The following PTN variants were observed in gnomAD, a reference collection of about 807,000 sequenced individuals.
The protein encoded by PTN is pleiotrophin.
In PTN, 18 loss-of-function variants were observed where a neutral mutation model predicts 24.1. The ratio of observed to expected loss-of-function variants is 0.75; its 90% CI spans 0.52 to 1.11. The LOEUF (loss-of-function observed/expected upper bound fraction) is 1.11. Among genes scored for constraint, PTN ranks in the 50% least tolerant of loss-of-function variants. The pLI is 0.00. For missense variants in PTN, 163 were observed against 198.8 expected, an observed-to-expected ratio of 0.82 and a Z score of 1.08; for synonymous variants, 78 against 68.6, an observed-to-expected ratio of 1.14 and a Z score of -0.67.
At position 137,251,311 on chromosome 7, in the gene PTN, G is replaced by A. The variant is rs755896401; in HGVS notation, c.370C>T (p.Arg124Ter). The A allele has an allele frequency of 5.0e-6, 8 of 1,613,932 alleles. No homozygotes were observed. Among genetic ancestry groups the A allele is most frequent in the East Asian group, 2.2e-5 (1 of 44,866 alleles). ...TGGCATTCGGCATTGTGCAGGGCTC[G>A]CTTCAGACTTCCAGTTCTGGTCTTC... ...ALKTRTGSLK[R>*]ALHNAECQKT... The change falls in exon 4 of 5, where the codon CGA becomes TGA. Residue 124 changes from arginine (R) to a stop codon, truncating the protein, a stop_gained. Coordinates refer to ENST00000348225, the MANE Select transcript of PTN (RefSeq NM_002825.7). LOFTEE classifies it high-confidence loss of function.
chr7:137,252,867 G>A (rs1241145032), intron 3 of PTN, among the ~76,000 whole-genome samples: 2 of 149,064 alleles, frequency 1.3e-5, no homozygotes, highest in African/African-American at 5.2e-5. Flanking sequence ...GTCAGTGGGA[G>A]AAAGATTTAT....
At chr7:137,237,190 C>T (rs563724724) in intron 4 of PTN, among the ~76,000 whole-genome samples, 10 of 152,148 alleles carry the variant, frequency 6.6e-5, no homozygotes, top group Admixed American at 3.3e-4. Flanking sequence ...CGGATAGACC[C>T]TAATCCAATA....
intron 1 of PTN, among the ~76,000 whole-genome samples, chr7:137,279,875 T>C (rs930244863): frequency 3.9e-5 from 6 of 152,202 alleles, no homozygotes; most frequent in African/African-American, 7.2e-5. Context: ...CTTGACATAG[T>C]ACAGGTCAAA....
intron 4 of PTN, among the ~76,000 whole-genome samples, chr7:137,233,959 CAT>C (rs1371311372): frequency 2.0e-5 from 3 of 149,054 alleles, no homozygotes; most frequent in Admixed American, 6.7e-5. Flanking sequence ...TACACGTATA[CAT>C]ATACATATAT....
At chr7:137,234,021 A>G in intron 4 of PTN, among the ~76,000 whole-genome samples, 1 of 151,536 alleles carries the variant, frequency 6.6e-6, no homozygotes. Flanking sequence ...GATTACTCAT[A>G]ACTTCACAAT....
intron 1 of PTN, among the ~76,000 whole-genome samples, chr7:137,285,405 C>T (rs372756904): frequency 6.6e-6 from 1 of 152,290 alleles, no homozygotes. Flanking sequence ...GTAGACCACG[C>T]CTGTAATCCC....
At chr7:137,246,198 T>C (rs1252676884) in intron 4 of PTN, among the ~76,000 whole-genome samples, 2 of 152,206 alleles carry the variant, frequency 1.3e-5, no homozygotes, top group African/African-American at 2.4e-5. Context: ...TTTTATACCA[T>C]ATTTTTACTA....
chr7:137,308,762 C>A (rs780630070), intron 1 of PTN, among the ~76,000 whole-genome samples: 2 of 152,128 alleles, frequency 1.3e-5, no homozygotes, highest in African/African-American at 2.4e-5. Context: ...TTCCCTGGGG[C>A]ATAAACACTA....
chr7:137,291,331 A>T (rs1230480620), intron 1 of PTN, among the ~76,000 whole-genome samples: 1 of 152,186 alleles, frequency 6.6e-6, no homozygotes, highest in African/African-American at 2.4e-5. Context: ...TATTATCAGA[A>T]AAATGGCACT....
In PTN at chr7:137,240,443, T is replaced by C. The variant is rs140457571; in HGVS notation, c.451+10787A>G. 1.1e-3 allele frequency among the ~76,000 whole-genome samples: 167 copies of C among 152,340 alleles called. No homozygotes were observed. In the East Asian group the frequency reaches 0.028, roughly 25 times the overall value. On this transcript the variant is annotated intron_variant, in intron 4 of 4. Coordinates refer to ENST00000348225, the MANE Select transcript of PTN (RefSeq NM_002825.7). ...TATCCCTCTGCTTCTCCTACTACAC[T>C]GTAAGACCAGTAAGGTCATTAATTT...
At chr7:137,233,919 T>A (rs892678383) in intron 4 of PTN, among the ~76,000 whole-genome samples, 1 of 150,280 alleles carries the variant, frequency 6.7e-6, no homozygotes, top group South Asian at 2.1e-4. Flanking sequence ...CATACATATA[T>A]GTATATATGT....
At chr7:137,252,327 T>C (rs372491640) in intron 3 of PTN, among the ~76,000 whole-genome samples, 12 of 152,110 alleles carry the variant, frequency 7.9e-5, no homozygotes, top group Non-Finnish European at 5.9e-5. Flanking sequence ...GTTGCCTATA[T>C]ATCCTCTTTG....
intron 1 of PTN, among the ~76,000 whole-genome samples, chr7:137,324,511 C>T (rs114141056): frequency 8.5e-4 from 126 of 148,988 alleles, no homozygotes; most frequent in African/African-American, 2.7e-3. Context: ...GTATGGGGCA[C>T]TTTAAGACCA....
At chr7:137,240,820 A>G (rs963477248) in intron 4 of PTN, among the ~76,000 whole-genome samples, 7 of 152,186 alleles carry the variant, frequency 4.6e-5, no homozygotes, top group Non-Finnish European at 8.8e-5. Context: ...GACACAGAAG[A>G]AGGAGCTGTG....
intron 4 of PTN, among the ~76,000 whole-genome samples, chr7:137,239,168 A>G (rs899413143): frequency 1.3e-5 from 2 of 152,132 alleles, no homozygotes; most frequent in South Asian, 2.1e-4. Flanking sequence ...AAGGAGGGGG[A>G]GTAAAACACA....
At chr7:137,292,175 G>A (rs998942668) in intron 1 of PTN, among the ~76,000 whole-genome samples, 2 of 152,156 alleles carry the variant, frequency 1.3e-5, no homozygotes, top group Non-Finnish European at 2.9e-5. Context: ...CAGGAGCCCT[G>A]TGGAAACCAA....
chr7:137,268,177 CT>C (rs1809195234), intron 1 of PTN, among the ~76,000 whole-genome samples: 3 of 152,186 alleles, frequency 2.0e-5, no homozygotes, highest in African/African-American at 7.2e-5. Context: ...ACACACGGCT[CT>C]GGCGAGGCAT....
chr7:137,283,676 CT>C (rs1263948342), intron 1 of PTN, among the ~76,000 whole-genome samples: 1 of 152,104 alleles, frequency 6.6e-6, no homozygotes, highest in African/African-American at 2.4e-5. Flanking sequence ...CTTCACCATA[CT>C]TTTCGCAATG....
chr7:137,329,681 A>G (rs2128882517), intron 1 of PTN, among the ~76,000 whole-genome samples: 1 of 152,336 alleles, frequency 6.6e-6, no homozygotes, highest in South Asian at 2.1e-4. Flanking sequence ...AGGTCCAGAC[A>G]TGGGACAAGA....
Sources: allele counts gnomAD v4.1 joint callset (sites outside exome capture counted in the v4.1 genomes callset), GRCh38; gene constraint gnomAD v4.1.1; transcripts MANE v1.5; gene names NCBI Gene and HGNC (gene_info 2026-07-23, HGNC 2026-07-21).